The following TSPEAR variants were observed in gnomAD, a reference collection of about 807,000 sequenced individuals.
The protein encoded by TSPEAR is thrombospondin type laminin G domain and EAR repeats.
A neutral mutation model predicts 71.6 loss-of-function variants in TSPEAR; 69 were observed. The ratio of observed to expected loss-of-function variants is 0.96; its 90% CI spans 0.79 to 1.18. The LOEUF is 1.18. Ranked by LOEUF, TSPEAR falls within the 50% of genes most tolerant of loss-of-function variation. The probability of loss-of-function intolerance (pLI) is 0.00; values close to 1 mark genes in which losing one functional copy is unlikely to be tolerated. For synonymous variants in TSPEAR, 402 were observed against 387.2 expected, an observed-to-expected ratio of 1.04 and a Z score of -0.45; for missense variants, 971 against 894.9, an observed-to-expected ratio of 1.09 and a Z score of -1.09.
intron 1 of TSPEAR, among the ~76,000 whole-genome samples, chr21:44,690,148 G>A (rs138371896): frequency 8.5e-5 from 13 of 152,140 alleles, no homozygotes; most frequent in African/African-American, 3.1e-4. Context: ...AAATCGCTCT[G>A]ATTTGGAACA....
At chr21:44,678,033 G>C (rs1464111504) in intron 1 of TSPEAR, 5 of 782,026 alleles carry the variant, frequency 6.4e-6, no homozygotes, top group Admixed American at 1.9e-5. Context: ...ACTTCCCATA[G>C]AGACAACTCT....
At chr21:44,652,881 G>T (rs900989570) in intron 1 of TSPEAR, among the ~76,000 whole-genome samples, 1 of 152,192 alleles carries the variant, frequency 6.6e-6, no homozygotes, top group African/African-American at 2.4e-5. Flanking sequence ...TTCTGGCGGG[G>T]TGTGGTGGCT....
At chr21:44,601,901 T>C in intron 1 of TSPEAR, 2 of 991,370 alleles carry the variant, frequency 2.0e-6, no homozygotes, top group South Asian at 1.8e-5. Context: ...AGCTCAGCTG[T>C]TTCTCCAAGT....
In TSPEAR at chr21:44,506,469, C is replaced by A. The variant is rs111585413; in HGVS notation, c.1755-1588G>T. On this transcript the variant is annotated intron_variant, in intron 10 of 11. Transcript: ENST00000323084. The surrounding 1 kb of genome is among the most constrained non-coding windows in gnomAD (Gnocchi z 4.2). ...GCTTCCCTGCAGGCAGTTGTGGGGC[C>A]GGCCTGCAGCAGGGGCTCAGACAGG... Among the ~76,000 whole-genome samples, 1 of 152,230 alleles carries A rather than the reference C, an allele frequency of 6.6e-6. No individual in the cohort carries two copies. The highest frequency in any genetic ancestry group is 2.4e-5 in the African/African-American group (1 of 41,466).
At chr21:44,544,703 C>T (rs2053272356) in intron 2 of TSPEAR, among the ~76,000 whole-genome samples, 1 of 151,994 alleles carries the variant, frequency 6.6e-6, no homozygotes, top group South Asian at 2.1e-4. Flanking sequence ...GGGGGAGCCA[C>T]ATGGATGTTA....
chr21:44,536,053 A>C (rs1426256712), intron 2 of TSPEAR, among the ~76,000 whole-genome samples: 1 of 152,200 alleles, frequency 6.6e-6, no homozygotes, highest in Non-Finnish European at 1.5e-5. Context: ...TGTGGAAGGA[A>C]GCCCTGGTAG....
intron 2 of TSPEAR, among the ~76,000 whole-genome samples, chr21:44,560,399 C>A (rs1271438994): frequency 6.6e-6 from 1 of 152,058 alleles, no homozygotes; most frequent in Non-Finnish European, 1.5e-5. Flanking sequence ...ACTTTAACAC[C>A]CTGCTGTCAA....
chr21:44,551,365 C>T (rs368800676), intron 2 of TSPEAR: 15 of 1,612,612 alleles, frequency 9.3e-6, no homozygotes, highest in East Asian at 2.2e-5. Context: ...CTGGGGGTGC[C>T]GCAGGGGAGC....
At chr21:44,548,956 G>A (rs928699148) in intron 2 of TSPEAR, among the ~76,000 whole-genome samples, 5 of 152,266 alleles carry the variant, frequency 3.3e-5, no homozygotes, top group African/African-American at 1.2e-4. Flanking sequence ...AGGAAAACGA[G>A]CGCTTAGACA....
In TSPEAR at chr21:44,498,419, G is replaced by A. The variant is rs2051968527; in HGVS notation, c.*1364C>T. On this transcript the variant is annotated 3_prime_UTR_variant, in exon 12 of 12. Coordinates refer to ENST00000323084, the MANE Select transcript of TSPEAR (RefSeq NM_144991.3). ...GCCTTGCTGGCTGGACGGAGGGGAAGGAGGCTCTCGGCGACTGCCCCCAGA... is the reference window on the plus strand; with the variant it reads ...GCCTTGCTGGCTGGACGGAGGGGAAAGAGGCTCTCGGCGACTGCCCCCAGA... 6.6e-6 allele frequency: 1 copy of A among 152,254 alleles called. No individual in the cohort carries two copies. Among genetic ancestry groups the A allele is most frequent in the Non-Finnish European group, 1.5e-5 (1 of 68,056 alleles). 9.4% of individuals were successfully genotyped at this position (152,254 alleles called of 1,614,324 possible).
chr21:44,666,433 T>C (rs1555944699), intron 1 of TSPEAR: 2 of 1,567,774 alleles, frequency 1.3e-6, no homozygotes, highest in South Asian at 2.4e-5. Flanking sequence ...GCAGCGGGTC[T>C]GGAGATTCAT....
intron 1 of TSPEAR, chr21:44,698,169 A>G: frequency 1.6e-6 from 1 of 606,416 alleles, no homozygotes; most frequent in Non-Finnish European, 2.9e-6. Context: ...ACCACTTCCC[A>G]CATTCCAGGC....
chr21:44,666,685 T>C (rs587746846), intron 1 of TSPEAR: 1 of 1,610,918 alleles, frequency 6.2e-7, no homozygotes, highest in Non-Finnish European at 8.5e-7. Context: ...TTGAAGCTCA[T>C]GGGCACACAC....
intron 1 of TSPEAR, chr21:44,698,060 C>T (rs1555951030): frequency 1.6e-6 from 2 of 1,236,212 alleles, no homozygotes; most frequent in East Asian, 4.8e-5. Flanking sequence ...TCTGTCTCTT[C>T]CTTGGAGATG....
At chr21:44,674,784 G>GTGTGTGTGTA (rs1227101039) in intron 1 of TSPEAR, among the ~76,000 whole-genome samples, 1 of 126,320 alleles carries the variant, frequency 7.9e-6, no homozygotes, top group Non-Finnish European at 1.7e-5. Flanking sequence ...GTGTGTGTGT[G>GTGTGTGTGTA]TATAACATTA....
intron 1 of TSPEAR, among the ~76,000 whole-genome samples, chr21:44,672,343 G>C (rs1327181439): frequency 6.6e-6 from 1 of 152,188 alleles, no homozygotes. Context: ...GGCTAAGGCG[G>C]GCGGATCACA....
At chr21:44,681,877 C>T (rs200130684) in intron 1 of TSPEAR, 7 of 1,613,980 alleles carry the variant, frequency 4.3e-6, no homozygotes, top group East Asian at 2.2e-5. Flanking sequence ...CTGCAGAGGA[C>T]GCTGGTGCAG....
intron 1 of TSPEAR, among the ~76,000 whole-genome samples, chr21:44,665,032 A>G (rs1985681415): frequency 6.6e-6 from 1 of 152,214 alleles, no homozygotes; most frequent in South Asian, 2.1e-4. Context: ...ACGTGTGTGC[A>G]TAAGTGTGTG....
chr21:44,677,580 G>A, intron 1 of TSPEAR: 2 of 998,458 alleles, frequency 2.0e-6, no homozygotes, highest in South Asian at 1.3e-5. Context: ...AAGTGCAGGT[G>A]TGGGTTTTCC....
Sources: allele counts gnomAD v4.1 joint callset (sites outside exome capture counted in the v4.1 genomes callset), GRCh38; gene constraint gnomAD v4.1.1; non-coding constraint Gnocchi (gnomAD v3.1); transcripts MANE v1.5; gene names NCBI Gene and HGNC (gene_info 2026-07-23, HGNC 2026-07-21).